The following PCSK4 variants were observed in gnomAD, a reference collection of about 807,000 sequenced individuals.
The protein encoded by PCSK4 is testicular tissue protein Li 135.
Under a neutral mutation model 80.3 loss-of-function variants are expected in PCSK4, and 64 were observed. That is an observed-to-expected ratio of 0.80 (90% CI 0.65 to 0.98). The LOEUF is 0.98. Ranked by LOEUF, PCSK4 falls within the 50% of genes least tolerant of loss-of-function variation. The pLI, the probability that PCSK4 is intolerant of heterozygous loss-of-function variation, is 0.00. For missense variants in PCSK4, 1,213 were observed against 1,093.6 expected (o/e 1.11, Z -1.54); for synonymous variants, 561 against 487.6 (o/e 1.15, Z -1.98).
Position 1,482,285 on chromosome 19 carries a change from C to G in PCSK4, c.1819+68G>C, listed in dbSNP as rs532472821. 7.7e-4 allele frequency: 1,186 copies of G among 1,530,830 alleles called. 17 individuals carry two copies. The Admixed American group carries it at 0.021, about 27-fold the overall frequency. The allele number at this position is 1,530,830 out of a possible 1,614,324, so 94.8% of individuals were successfully genotyped here. On this transcript the variant is annotated intron_variant, in intron 14 of 14. Coordinates refer to ENST00000300954, the Ensembl canonical transcript of PCSK4. ...TACTCGCCACCCGCCCGCCTGGGGC[C>G]ACATGCACGCTGCCCACGGTGGCCG...
rs763827819 is a variant in PCSK4, at chr19:1,489,834, G to C, written c.253C>G (p.Pro85Ala). 18 of 1,610,824 alleles carry C rather than the reference G, an allele frequency of 1.1e-5. No individual in the cohort carries two copies. In the South Asian group the frequency reaches 2.0e-4, roughly 18 times the overall value. ...AGGTGCAGGCGGTGGCCCCAGTGCG[G>C]GGTCAGGGACTGCTGGACCACGCCC... Residue 85 changes from proline to alanine, a missense_variant, in exon 2 of 15, where the codon CCG (proline) becomes GCG (alanine). By Grantham distance (27) the Pro-to-Ala change is conservative. Coordinates refer to ENST00000300954, the Ensembl canonical transcript of PCSK4.
rs544709654 is a variant in PCSK4, at chr19:1,482,303, G to A, written c.1819+50C>T. On this transcript the variant is annotated intron_variant, in intron 14 of 14. Transcript: ENST00000300954. ...CTGGGGCCACATGCACGCTGCCCACGGTGGCCGCCACCGCCTCCCAGCAGT... is the reference window on the plus strand; with the variant it reads ...CTGGGGCCACATGCACGCTGCCCACAGTGGCCGCCACCGCCTCCCAGCAGT... The A allele has an allele frequency of 2.9e-5, 45 of 1,532,804 alleles. No individual in the cohort carries two copies. The South Asian group carries it at 3.6e-4, about 12-fold the overall frequency. The allele number at this position is 1,532,804 out of a possible 1,614,324, so 95.0% of individuals were successfully genotyped here.
At chr19:1,487,094 G>A (rs767544144) in intron 7 of PCSK4, 29 bp from the exon 8 acceptor site, 16 of 1,602,032 alleles carry the variant, frequency 1.0e-5, no homozygotes, top group African/African-American at 2.7e-5. Context: ...CGGGGAGGGG[G>A]CGTCGGCCTG....
chr19:1,482,461 A>G (rs2084348291), exon 14 of PCSK4: 4 of 1,605,354 alleles, frequency 2.5e-6, no homozygotes, highest in Non-Finnish European at 3.4e-6. Context: ...AGCAGCGTGT[A>G]GCGGTACAAC....
At chr19:1,487,064 C>T (rs1461502256) in exon 8 of PCSK4, 1 of 1,604,694 alleles carries the variant, frequency 6.2e-7, no homozygotes, top group Admixed American at 1.7e-5. Context: ...CCCGCCGCGG[C>T]CCTGGGAAAC....
chr19:1,490,528 C>T, upstream of PCSK4: 1 of 507,020 alleles, frequency 2.0e-6, no homozygotes, highest in Admixed American at 3.8e-5. Flanking sequence ...GAGAGGGACG[C>T]ACGCCTGCCC....
At chr19:1,488,394 TC>T in intron 2 of PCSK4, 114 bp from the exon 3 acceptor site, 1 of 757,300 alleles carries the variant, frequency 1.3e-6, no homozygotes, top group Non-Finnish European at 2.2e-6. Flanking sequence ...GGGGTTGCTC[TC>T]CAGGGTCCCC....
exon 7 of PCSK4, chr19:1,487,226 G>A (rs2084672129): frequency 6.2e-7 from 1 of 1,607,266 alleles, no homozygotes; most frequent in Non-Finnish European, 8.5e-7. Flanking sequence ...ACCCCAGCTG[G>A]CGCTGTAAAT....
At chr19:1,482,428 T>G (rs755233602) in exon 14 of PCSK4, 1 of 1,608,610 alleles carries the variant, frequency 6.2e-7, no homozygotes, top group South Asian at 1.1e-5. Context: ...CGCGCTGTCA[T>G]GTCCTCGGCC....
chr19:1,482,691 C>A, intron 13 of PCSK4: 1 of 756,302 alleles, frequency 1.3e-6, no homozygotes, highest in Non-Finnish European at 2.1e-6. Flanking sequence ...TGGGCACCTA[C>A]ATCTCCCGTG....
At chr19:1,483,139 G>T in intron 12 of PCSK4, 119 bp from the exon 13 acceptor site, 1 of 1,244,754 alleles carries the variant, frequency 8.0e-7, no homozygotes, top group Non-Finnish European at 1.1e-6. Context: ...CTGGGTGTGG[G>T]TGAGGGTGTG....
Position 1,487,511 on chromosome 19 carries a change from G to A in PCSK4, c.682+92C>T, listed in dbSNP as rs1256717861. The stretch of plus-strand genomic sequence containing the variant: ...CCTAGCACCACCCAGCAGTGAGAGG[G>A]TGGGCTCCCGAGTCCTTGGGCCCAG... On this transcript the variant is annotated intron_variant, in intron 6 of 14. Coordinates refer to ENST00000300954, the Ensembl canonical transcript of PCSK4. The A allele has an allele frequency of 5.1e-6, 6 of 1,180,520 alleles. No individual in the cohort carries two copies. The South Asian group carries it at 5.4e-5, about 11-fold the overall frequency. 73.1% of individuals were successfully genotyped at this position (1,180,520 alleles called of 1,614,324 possible). A position where few individuals can be genotyped will look rare whatever the true frequency, so the allele number is the denominator to read the frequency against.
chr19:1,482,077 G>A, exon 15 of PCSK4: 4 of 1,553,842 alleles, frequency 2.6e-6, no homozygotes, highest in East Asian at 4.8e-5. Flanking sequence ...CATGGCAGCT[G>A]GAGCAGACCC....
chr19:1,483,367 C>T, exon 12 of PCSK4: 6 of 1,608,838 alleles, frequency 3.7e-6, no homozygotes, highest in South Asian at 1.1e-5. Flanking sequence ...AGGACAGCGT[C>T]AGCTGCGCCT....
chr19:1,486,777 G>A (rs772377738), intron 8 of PCSK4, 76 bp downstream of exon 8: 24 of 1,253,446 alleles, frequency 1.9e-5, no homozygotes, highest in Non-Finnish European at 2.7e-5. Context: ...CTAAGTCACA[G>A]TGGTGGGGAC....
chr19:1,488,163 C>G (rs1445902434), intron 3 of PCSK4, 25 bp downstream of exon 3: 1 of 1,613,498 alleles, frequency 6.2e-7, no homozygotes, highest in Non-Finnish European at 8.5e-7. Context: ...CCGTCCCCGT[C>G]TACCCACCCT....
exon 12 of PCSK4, chr19:1,483,419 C>T (rs761272091): frequency 1.9e-6 from 3 of 1,595,700 alleles, no homozygotes; most frequent in Middle Eastern, 1.7e-4. Context: ...GAGGCCGGCG[C>T]AGGCCGATAC....
In PCSK4 at chr19:1,485,603, G is replaced by A. The variant is rs1037369143; in HGVS notation, c.1068+1250C>T. ...GAAAAAAGAAAGTGCTGGGCACTGTGGCTCACACCTGTAATCCCAGCACTT... is the reference window on the plus strand; with the variant it reads ...GAAAAAAGAAAGTGCTGGGCACTGTAGCTCACACCTGTAATCCCAGCACTT... On this transcript the variant is annotated intron_variant, in intron 8 of 14. Transcript: ENST00000300954. Among the ~76,000 whole-genome samples the A allele has an allele frequency of 2.9e-4, 44 of 151,942 alleles. 1 individual carries two copies. Among genetic ancestry groups the A allele is most frequent in the Admixed American group, 2.2e-3 (34 of 15,250 alleles).
Position 1,487,082 on chromosome 19 carries a change from G to A in PCSK4, c.856-17C>T, listed in dbSNP as rs780605599. The stretch of plus-strand genomic sequence containing the variant: ...GCCGCGGCCCTGGGAAACCAGGAGG[G>A]GCGGGGAGGGGGCGTCGGCCTGGCC... On this transcript the variant is annotated splice_polypyrimidine_tract_variant and intron_variant, in intron 7 of 14. Coordinates refer to ENST00000300954, the Ensembl canonical transcript of PCSK4. The A allele has an allele frequency of 6.2e-6, 10 of 1,602,874 alleles. No individual in the cohort carries two copies. The highest frequency in any genetic ancestry group is 1.3e-5 in the African/African-American group (1 of 74,702).
Sources: gnomAD v4.1 joint callset for allele counts (sites outside exome capture counted in the v4.1 genomes callset) on GRCh38, gnomAD v4.1.1 for gene constraint, MANE v1.5 for transcripts, NCBI Gene and HGNC (gene_info 2026-07-23, HGNC 2026-07-21) for gene names.